FRMD5: variants seen among roughly 807,000 people sequenced by gnomAD.
The protein encoded by FRMD5 is FERM domain containing 5.
A neutral mutation model predicts 69.0 loss-of-function variants in FRMD5; 20 were observed. That is an observed-to-expected ratio of 0.29 (90% CI 0.20 to 0.42). The LOEUF is 0.42. Among genes scored for constraint, FRMD5 ranks in the 10% least tolerant of loss-of-function variants. FRMD5 has a pLI of 1.00. For synonymous variants in FRMD5, 271 were observed against 260.1 expected, an observed-to-expected ratio of 1.04 and a Z score of -0.40; for missense variants, 595 against 708.6, an observed-to-expected ratio of 0.84 and a Z score of 1.82.
intron 1 of FRMD5, among the ~76,000 whole-genome samples, chr15:43,999,967 T>TATATGCAATGC (rs55916455): frequency 2.4e-5 from 1 of 42,040 alleles, no homozygotes; most frequent in Non-Finnish European, 5.4e-5. Flanking sequence ...TATATATATA[T>TATATGCAATGC]ATATATATAT....
intron 1 of FRMD5, among the ~76,000 whole-genome samples, chr15:43,944,105 T>C (rs1420189028): frequency 6.6e-6 from 1 of 152,224 alleles, no homozygotes; most frequent in Non-Finnish European, 1.5e-5. Flanking sequence ...TATCTGAAAC[T>C]GGGTAATTTA....
At chr15:44,012,707 A>G (rs1890772855) in intron 1 of FRMD5, among the ~76,000 whole-genome samples, 1 of 152,050 alleles carries the variant, frequency 6.6e-6, no homozygotes, top group African/African-American at 2.4e-5. Flanking sequence ...ATCTGGGTTT[A>G]ACATAATCTT....
chr15:44,010,555 T>C (rs188590091), intron 1 of FRMD5, among the ~76,000 whole-genome samples: 2 of 152,238 alleles, frequency 1.3e-5, no homozygotes, highest in East Asian at 3.9e-4. Flanking sequence ...TGGCTAATTT[T>C]TGTATTTTTA....
At chr15:44,043,117 A>T (rs1266531366) in intron 1 of FRMD5, among the ~76,000 whole-genome samples, 1 of 152,222 alleles carries the variant, frequency 6.6e-6, no homozygotes, top group Non-Finnish European at 1.5e-5. Flanking sequence ...AATCACAACC[A>T]TTCCTATACA....
At chr15:43,956,415 T>C (rs1008968359) in intron 1 of FRMD5, among the ~76,000 whole-genome samples, 4 of 152,180 alleles carry the variant, frequency 2.6e-5, no homozygotes, top group Admixed American at 2.6e-4. Context: ...TTAGTTCTTT[T>C]AAATTCAACT....
At chr15:44,009,070 G>A (rs1890594519) in intron 1 of FRMD5, among the ~76,000 whole-genome samples, 1 of 152,098 alleles carries the variant, frequency 6.6e-6, no homozygotes, top group Non-Finnish European at 1.5e-5. Flanking sequence ...CCCGACGACA[G>A]GAACCATGTC....
At chr15:44,137,499 G>A (rs1337312038) in intron 1 of FRMD5, among the ~76,000 whole-genome samples, 2 of 152,070 alleles carry the variant, frequency 1.3e-5, no homozygotes, top group Non-Finnish European at 2.9e-5. Flanking sequence ...AAGTAAATAT[G>A]ATTAATGGAA....
intron 1 of FRMD5, among the ~76,000 whole-genome samples, chr15:44,068,711 C>T (rs1893411796): frequency 6.6e-6 from 1 of 152,104 alleles, no homozygotes; most frequent in South Asian, 2.1e-4. Context: ...AATACTAAAA[C>T]CCACTGATTT....
chr15:44,124,111 G>C (rs2076992890), intron 1 of FRMD5, among the ~76,000 whole-genome samples: 1 of 151,974 alleles, frequency 6.6e-6, no homozygotes, highest in Admixed American at 6.5e-5. Flanking sequence ...GCCTGCCTCA[G>C]CCTCCCAAGT....
intron 1 of FRMD5, among the ~76,000 whole-genome samples, chr15:44,000,755 C>T (rs1315043012): frequency 6.6e-6 from 1 of 152,166 alleles, no homozygotes; most frequent in East Asian, 1.9e-4. Context: ...CCACTGTACC[C>T]TGTGGTAGTT....
At chr15:43,991,545 T>C (rs996851798) in intron 1 of FRMD5, among the ~76,000 whole-genome samples, 1 of 152,210 alleles carries the variant, frequency 6.6e-6, no homozygotes, top group Non-Finnish European at 1.5e-5. Context: ...TAAAAATCCA[T>C]AAATTCATTG....
intron 1 of FRMD5, among the ~76,000 whole-genome samples, chr15:44,086,984 T>C (rs1038057611): frequency 3.7e-4 from 56 of 152,100 alleles, no homozygotes; most frequent in African/African-American, 1.4e-3. Context: ...AGGACAACAA[T>C]GGCTTTATCT....
chr15:44,116,902 T>TA (rs1212411124), intron 1 of FRMD5, among the ~76,000 whole-genome samples: 2 of 143,716 alleles, frequency 1.4e-5, no homozygotes, highest in Non-Finnish European at 3.0e-5. Flanking sequence ...GGCAACATGG[T>TA]AAAACCCTGT....
At chr15:44,004,031 AC>A (rs973734313) in intron 1 of FRMD5, among the ~76,000 whole-genome samples, 9 of 152,184 alleles carry the variant, frequency 5.9e-5, no homozygotes, top group African/African-American at 2.2e-4. Context: ...GAATTGTTTC[AC>A]CCCCTATTTT....
intron 1 of FRMD5, among the ~76,000 whole-genome samples, chr15:44,044,024 C>A (rs1367019859): frequency 1.3e-5 from 2 of 152,028 alleles, no homozygotes; most frequent in African/African-American, 4.8e-5. Context: ...GCAATCTACC[C>A]ATCTGACAAA....
intron 1 of FRMD5, among the ~76,000 whole-genome samples, chr15:44,027,058 A>C (rs939992391): frequency 6.6e-6 from 1 of 152,234 alleles, no homozygotes; most frequent in Admixed American, 6.5e-5. Flanking sequence ...TTGCATCCAC[A>C]CAAATAAAGA....
intron 1 of FRMD5, among the ~76,000 whole-genome samples, chr15:43,981,974 G>T (rs752509229): frequency 6.6e-6 from 1 of 152,158 alleles, no homozygotes; most frequent in Non-Finnish European, 1.5e-5. Flanking sequence ...GTGAAGTCAC[G>T]TACAACACCT....
chr15:44,179,103 C>T (rs1481750312), intron 1 of FRMD5, among the ~76,000 whole-genome samples: 1 of 151,980 alleles, frequency 6.6e-6, no homozygotes, highest in Admixed American at 6.6e-5. Context: ...GAAAAATTAA[C>T]CTATCTGAAA....
At chr15:43,931,102 G>A (rs1202148360) in intron 1 of FRMD5, among the ~76,000 whole-genome samples, 1 of 152,150 alleles carries the variant, frequency 6.6e-6, no homozygotes, top group Non-Finnish European at 1.5e-5. Context: ...GAAAGAAAAA[G>A]AAAAACAGAG....
Sources: gnomAD v4.1 joint callset for allele counts (sites outside exome capture counted in the v4.1 genomes callset) on GRCh38, gnomAD v4.1.1 for gene constraint, MANE v1.5 for transcripts, NCBI Gene and HGNC (gene_info 2026-07-23, HGNC 2026-07-21) for gene names.